Variants in SOX5 observed in about 807,000 individuals in gnomAD.
The protein encoded by SOX5 is transcription factor SOX-5.
A neutral mutation model predicts 92.0 loss-of-function variants in SOX5; 9 were observed. That is an observed-to-expected ratio of 0.10 (90% CI 0.06 to 0.17). The LOEUF is 0.17. Ranked by LOEUF, SOX5 falls within the 10% of genes least tolerant of loss-of-function variation. The probability of loss-of-function intolerance (pLI) is 1.00; values close to 1 mark genes in which losing one functional copy is unlikely to be tolerated. For synonymous variants in SOX5, 344 were observed against 336.3 expected (o/e 1.02, Z -0.25); for missense variants, 642 against 944.5 (o/e 0.68, Z 4.20).
At chr12:24,432,048 G>A (rs907517393) in intron 1 of SOX5, among the ~76,000 whole-genome samples, 1 of 152,102 alleles carries the variant, frequency 6.6e-6, no homozygotes, top group Non-Finnish European at 1.5e-5. Context: ...CCTCATGACA[G>A]TGTCACCCCA....
At chr12:24,360,531 T>C (rs533798471) in intron 2 of SOX5, among the ~76,000 whole-genome samples, 4 of 152,234 alleles carry the variant, frequency 2.6e-5, no homozygotes, top group Admixed American at 2.6e-4. Context: ...GGCAAATAGA[T>C]AGGAAAAGGA....
intron 4 of SOX5, among the ~76,000 whole-genome samples, chr12:24,023,098 A>G (rs1954498264): frequency 6.6e-6 from 1 of 152,104 alleles, no homozygotes; most frequent in Non-Finnish European, 1.5e-5. Flanking sequence ...TTTCAATTTA[A>G]TGGCTACCAA....
intron 2 of SOX5, among the ~76,000 whole-genome samples, chr12:23,850,208 A>C (rs2096616372): frequency 6.6e-6 from 1 of 152,100 alleles, no homozygotes; most frequent in Admixed American, 6.5e-5. Flanking sequence ...AGGTGGGCAG[A>C]TCACGAGGTC....
intron 6 of SOX5, among the ~76,000 whole-genome samples, chr12:23,704,879 A>C (rs1036173184): frequency 4.7e-5 from 7 of 148,520 alleles, no homozygotes; most frequent in Non-Finnish European, 1.5e-5. Flanking sequence ...AAATTCTGTT[A>C]AATTTTTTTT....
chr12:23,922,174 G>C (rs976293613), intron 1 of SOX5, among the ~76,000 whole-genome samples: 1 of 151,870 alleles, frequency 6.6e-6, no homozygotes, highest in South Asian at 2.1e-4. Flanking sequence ...CTCCTTTCTG[G>C]TACACCTCCT....
chr12:24,327,194 A>G (rs1950796396), intron 2 of SOX5, among the ~76,000 whole-genome samples: 1 of 152,124 alleles, frequency 6.6e-6, no homozygotes, highest in East Asian at 1.9e-4. Context: ...TCTGTTACTG[A>G]TATACTGCAG....
At chr12:24,180,709 G>A (rs961011352) in intron 4 of SOX5, among the ~76,000 whole-genome samples, 2 of 152,186 alleles carry the variant, frequency 1.3e-5, no homozygotes, top group Non-Finnish European at 2.9e-5. Flanking sequence ...AAATACTGCT[G>A]TTATAAATCA....
intron 4 of SOX5, among the ~76,000 whole-genome samples, chr12:24,118,364 A>C (rs1593321884): frequency 6.6e-6 from 1 of 151,840 alleles, no homozygotes; most frequent in South Asian, 2.1e-4. Context: ...ATTGTACCCC[A>C]TAAGTATACA....
chr12:23,954,658 A>G (rs1013961044), upstream of SOX5, among the ~76,000 whole-genome samples: 2 of 152,014 alleles, frequency 1.3e-5, no homozygotes, highest in African/African-American at 4.8e-5. Context: ...CCTAAAATTC[A>G]GTCCACCATA....
At chr12:23,810,991 T>A (rs1372071265) in intron 3 of SOX5, among the ~76,000 whole-genome samples, 1 of 152,164 alleles carries the variant, frequency 6.6e-6, no homozygotes, top group Non-Finnish European at 1.5e-5. Context: ...AAAGACTTAT[T>A]CAGAGGTGGT....
rs1387483353 is a variant in SOX5 at position 23,577,150 on chromosome 12, T to TATATAC, written c.1165-1313_1165-1312insGTATAT. On this transcript the variant is annotated intron_variant, in intron 9 of 14. Coordinates refer to ENST00000451604, the MANE Select transcript of SOX5 (RefSeq NM_006940.6). ...TCGATATCAAGTTTATATATATATA[T>TATATAC]ACACACACACACACACACACACACA... Among the ~76,000 whole-genome samples the TATATAC allele has an allele frequency of 1.1e-3, 135 of 117,588 alleles. 1 individual carries two copies. The highest frequency in any genetic ancestry group is 4.3e-3 in the African/African-American group (133 of 30,694). The allele number at this position is 117,588 out of a possible 152,430, so 77.1% of individuals were successfully genotyped here.
Position 23,895,990 on chromosome 12 carries a change from C to T in SOX5, c.73G>A (p.Glu25Lys), listed in dbSNP as rs756464680. ...SSKRPASPYGEADGEVAMVTS... is the reference protein window; with the variant it reads ...SSKRPASPYGKADGEVAMVTS... ...ACCATGGCTACCTCTCCATCTGCTT[C>T]CCCATACGGAGAGGCTGGTCGCTTG... The change falls in exon 2 of 15, where the codon GAA becomes AAA. Residue 25 changes from glutamate (E) to lysine (K), a missense_variant. Glu to Lys is a moderately conservative substitution (Grantham distance 56). Transcript: ENST00000451604. 8 of 1,613,948 alleles carry T rather than the reference C, an allele frequency of 5.0e-6. No individual in the cohort carries two copies. In the South Asian group the frequency reaches 7.7e-5, roughly 16 times the overall value.
chr12:23,548,219 T>C (rs1282484308), intron 11 of SOX5, among the ~76,000 whole-genome samples: 6 of 151,990 alleles, frequency 3.9e-5, no homozygotes, highest in Non-Finnish European at 5.9e-5. Context: ...AAAAGCAAAA[T>C]TAATCAAAGT....
At chr12:23,923,908 G>C (rs878895110) in intron 1 of SOX5, among the ~76,000 whole-genome samples, 1 of 152,128 alleles carries the variant, frequency 6.6e-6, no homozygotes, top group Admixed American at 6.5e-5. Context: ...TTAATCTTCA[G>C]AGTTTGAATT....
At chr12:24,532,936 C>G (rs976104506) in intron 1 of SOX5, among the ~76,000 whole-genome samples, 12 of 152,196 alleles carry the variant, frequency 7.9e-5, no homozygotes, top group African/African-American at 2.2e-4. Flanking sequence ...GGAAAACCAC[C>G]AGTAGCCTCT....
At chr12:23,641,470 A>G (rs1170911688) in intron 7 of SOX5, among the ~76,000 whole-genome samples, 1 of 152,198 alleles carries the variant, frequency 6.6e-6, no homozygotes, top group East Asian at 1.9e-4. Flanking sequence ...CCAGGGATAA[A>G]TGTTTACAAA....
chr12:24,254,567 T>C, intron 3 of SOX5, among the ~76,000 whole-genome samples: 1 of 151,860 alleles, frequency 6.6e-6, no homozygotes, highest in Non-Finnish European at 1.5e-5. Flanking sequence ...TATTGAAAAT[T>C]GTACTGAAAG....
chr12:24,450,836 T>G (rs1415112623), intron 1 of SOX5, among the ~76,000 whole-genome samples: 2 of 152,212 alleles, frequency 1.3e-5, no homozygotes. Context: ...CTCTTTTAGT[T>G]GTCTTGAAAT....
chr12:24,187,252 T>C (rs566058222), intron 4 of SOX5, among the ~76,000 whole-genome samples: 5 of 152,312 alleles, frequency 3.3e-5, no homozygotes, highest in African/African-American at 1.2e-4. Context: ...ATCTAAGACT[T>C]GGTTGATGAA....
Sources: allele counts gnomAD v4.1 joint callset (sites outside exome capture counted in the v4.1 genomes callset), GRCh38; gene constraint gnomAD v4.1.1; transcripts MANE v1.5; gene names NCBI Gene and HGNC (gene_info 2026-07-23, HGNC 2026-07-21).